Variants in ANKRD44 observed in about 807,000 individuals in gnomAD.
The protein encoded by ANKRD44 is ankyrin repeat domain 44.
Under a neutral mutation model 116.0 loss-of-function variants are expected in ANKRD44, and 35 were observed. The ratio of observed to expected loss-of-function variants is 0.30; its 90% CI spans 0.23 to 0.40. The LOEUF is 0.40. Ranked by LOEUF, ANKRD44 falls within the 10% of genes least tolerant of loss-of-function variation. The pLI is 1.00. For missense variants in ANKRD44, 1,014 were observed against 1,242.6 expected, an observed-to-expected ratio of 0.82 and a Z score of 2.77; for synonymous variants, 435 against 461.8, an observed-to-expected ratio of 0.94 and a Z score of 0.74.
At chr2:197,184,602 T>G (rs1486562743) in intron 2 of ANKRD44, among the ~76,000 whole-genome samples, 1 of 138,742 alleles carries the variant, frequency 7.2e-6, no homozygotes, top group Non-Finnish European at 1.5e-5. Flanking sequence ...ATCACGCCAC[T>G]GCACTCCAGC....
intron 8 of ANKRD44, among the ~76,000 whole-genome samples, chr2:197,113,651 T>A (rs1029661108): frequency 5.9e-5 from 9 of 152,216 alleles, no homozygotes; most frequent in Non-Finnish European, 1.5e-5. Flanking sequence ...ATCTCTGAAG[T>A]GTGTGGTGGG....
chr2:197,248,003 A>G (rs2082229626), intron 1 of ANKRD44, among the ~76,000 whole-genome samples: 1 of 152,052 alleles, frequency 6.6e-6, no homozygotes, highest in Admixed American at 6.6e-5. Context: ...CCTCCTCATC[A>G]TTCCCCTTCC....
intron 3 of ANKRD44, among the ~76,000 whole-genome samples, chr2:197,146,282 T>G (rs1232273015): frequency 6.6e-6 from 1 of 152,228 alleles, no homozygotes. Context: ...GAAGACATTT[T>G]TTACTTAACC....
At chr2:197,280,202 G>C (rs2083223007) in intron 1 of ANKRD44, among the ~76,000 whole-genome samples, 1 of 152,096 alleles carries the variant, frequency 6.6e-6, no homozygotes, top group South Asian at 2.1e-4. Context: ...GCCCCCCGGG[G>C]CCATGTGCAG....
chr2:197,252,848 T>C (rs1337878989), intron 1 of ANKRD44, among the ~76,000 whole-genome samples: 1 of 152,074 alleles, frequency 6.6e-6, no homozygotes. Context: ...TTGAAAAGAG[T>C]TTCTGAAAGA....
Position 197,268,899 on chromosome 2 carries a change from G to A in ANKRD44, c.27+41679C>T, listed in dbSNP as rs116372427. Among the ~76,000 whole-genome samples the A allele has an allele frequency of 6.2e-3, 940 of 152,222 alleles. 10 individuals carry two copies. The highest frequency in any genetic ancestry group is 0.021 in the African/African-American group (887 of 41,516). ...TTTTTTTAAATTGTAATGATCTAAA[G>A]CTACCTATCTAATCTGTGTGTTGAT... is the stretch of plus-strand genomic sequence containing the variant. On this transcript the variant is annotated intron_variant, in intron 1 of 27. Coordinates refer to ENST00000282272, the MANE Select transcript of ANKRD44 (RefSeq NM_001195144.2).
chr2:197,287,823 C>A (rs1199684743), intron 1 of ANKRD44, among the ~76,000 whole-genome samples: 1 of 151,738 alleles, frequency 6.6e-6, no homozygotes, highest in African/African-American at 2.4e-5. Context: ...AGTTCAAGAC[C>A]AGCCTGGCCA....
intron 1 of ANKRD44, among the ~76,000 whole-genome samples, chr2:197,274,014 T>G (rs909222243): frequency 1.1e-5 from 1 of 93,120 alleles, no homozygotes; most frequent in African/African-American, 4.1e-5. Context: ...TATATATATA[T>G]ATATATATAT....
intron 1 of ANKRD44, among the ~76,000 whole-genome samples, chr2:197,279,650 T>C (rs1005843647): frequency 6.6e-6 from 1 of 152,194 alleles, no homozygotes; most frequent in African/African-American, 2.4e-5. Context: ...TGCTCCCAAA[T>C]GCACCCTTCC....
chr2:197,244,259 A>C (rs563533575), intron 1 of ANKRD44, among the ~76,000 whole-genome samples: 1 of 152,262 alleles, frequency 6.6e-6, no homozygotes, highest in Non-Finnish European at 1.5e-5. Flanking sequence ...CTTGGACAAG[A>C]CTCTATTAAG....
At chr2:197,223,165 T>C (rs548659297) in intron 1 of ANKRD44, among the ~76,000 whole-genome samples, 37 of 152,288 alleles carry the variant, frequency 2.4e-4, no homozygotes, top group African/African-American at 8.9e-4. Flanking sequence ...CAAAACAGTT[T>C]AGATAATAAT....
intron 2 of ANKRD44, among the ~76,000 whole-genome samples, chr2:197,185,288 G>A (rs954148792): frequency 6.6e-6 from 1 of 152,178 alleles, no homozygotes; most frequent in Non-Finnish European, 1.5e-5. Flanking sequence ...TGTGCTTAGT[G>A]CCAGCTGGGG....
At chr2:197,010,891 CA>C (rs2076287528) in intron 18 of ANKRD44, among the ~76,000 whole-genome samples, 1 of 152,226 alleles carries the variant, frequency 6.6e-6, no homozygotes, top group Admixed American at 6.5e-5. Flanking sequence ...GCTAATTTAA[CA>C]ATGACACATT....
chr2:196,989,587 A>G lies in ANKRD44; in HGVS notation c.*4T>C, dbSNP rs756847035. ...ATGTGTATGTGCATAATTTTTAAAG[A>G]GTCTCATTCTTCTTTTTGTACAGCG... On this transcript the variant is annotated 3_prime_UTR_variant, in exon 28 of 28. Transcript: ENST00000282272. 1.3e-6 allele frequency: 2 copies of G among 1,549,874 alleles called. No homozygotes were observed. Among genetic ancestry groups the G allele is most frequent in the South Asian group, 2.4e-5 (2 of 84,044 alleles).
At chr2:197,309,680 G>A (rs950378523) in intron 1 of ANKRD44, among the ~76,000 whole-genome samples, 1 of 152,150 alleles carries the variant, frequency 6.6e-6, no homozygotes, top group African/African-American at 2.4e-5. Flanking sequence ...ACGGGGGTGG[G>A]GGTAGCAAGC....
chr2:197,156,206 C>T (rs1406278414), intron 2 of ANKRD44, among the ~76,000 whole-genome samples: 11 of 152,064 alleles, frequency 7.2e-5, no homozygotes, highest in Admixed American at 3.3e-4. Context: ...ATTAGCCGGG[C>T]GTGGTGTCAG....
At chr2:197,180,446 C>A (rs1574215202) in intron 2 of ANKRD44, among the ~76,000 whole-genome samples, 1 of 152,210 alleles carries the variant, frequency 6.6e-6, no homozygotes, top group African/African-American at 2.4e-5. Context: ...CTCGTGATCA[C>A]TGTGCACTTC....
chr2:197,145,060 G>A (rs1259348360), intron 3 of ANKRD44, among the ~76,000 whole-genome samples: 1 of 152,196 alleles, frequency 6.6e-6, no homozygotes, highest in Non-Finnish European at 1.5e-5. Context: ...GGGAGGCCAA[G>A]GCAGGCGGAT....
intron 1 of ANKRD44, among the ~76,000 whole-genome samples, chr2:197,189,734 A>T (rs1317969404): frequency 2.0e-5 from 3 of 152,248 alleles, no homozygotes; most frequent in African/African-American, 7.2e-5. Flanking sequence ...GTGTCTGACA[A>T]GATTTTCATG....
Sources: allele counts gnomAD v4.1 joint callset (sites outside exome capture counted in the v4.1 genomes callset), GRCh38; gene constraint gnomAD v4.1.1; transcripts MANE v1.5; gene names NCBI Gene and HGNC (gene_info 2026-07-23, HGNC 2026-07-21).